Variants in PIBF1 observed in about 807,000 individuals in gnomAD.
PIBF1 encodes progesterone-induced-blocking factor 1.
Under a neutral mutation model 112.5 loss-of-function variants are expected in PIBF1, and 90 were observed. The ratio of observed to expected loss-of-function variants is 0.80; its 90% CI spans 0.67 to 0.95. The LOEUF (loss-of-function observed/expected upper bound fraction) is 0.95, where lower values mean the gene tolerates loss of function less well. PIBF1 is among the 40% of genes least tolerant of loss of function. The pLI, the probability that PIBF1 is intolerant of heterozygous loss-of-function variation, is 0.00. For synonymous variants in PIBF1, 301 were observed against 288.6 expected, an observed-to-expected ratio of 1.04 and a Z score of -0.44; for missense variants, 915 against 852.3, an observed-to-expected ratio of 1.07 and a Z score of -0.92.
chr13:72,820,145 G>A (rs1593971376), intron 5 of PIBF1, among the ~76,000 whole-genome samples: 1 of 152,200 alleles, frequency 6.6e-6, no homozygotes, highest in South Asian at 2.1e-4. Flanking sequence ...CACTTTACAT[G>A]TATTACTTGA....
chr13:73,001,778 A>C (rs4366603), intron 17 of PIBF1, among the ~76,000 whole-genome samples: 150,562 of 151,726 alleles, frequency 0.99, 74,717 homozygotes, highest in Middle Eastern at 1. Flanking sequence ...CATGTGCCAC[A>C]ACGCCCAGCT....
intron 13 of PIBF1, among the ~76,000 whole-genome samples, chr13:72,922,310 T>C (rs2041326744): frequency 6.6e-6 from 1 of 152,084 alleles, no homozygotes; most frequent in Non-Finnish European, 1.5e-5. Flanking sequence ...GACACAATTA[T>C]AGAAAGTTAC....
At chr13:72,906,632 A>G (rs994796085) in intron 11 of PIBF1, among the ~76,000 whole-genome samples, 4 of 152,162 alleles carry the variant, frequency 2.6e-5, no homozygotes, top group Non-Finnish European at 5.9e-5. Flanking sequence ...GAGATAGCCC[A>G]CATCAGTAGT....
In PIBF1 at chr13:72,976,026, A is replaced by G. The variant is rs566481443; in HGVS notation, c.2049+2351A>G. On this transcript the variant is annotated intron_variant, in intron 16 of 17. Coordinates refer to ENST00000326291, the MANE Select transcript of PIBF1 (RefSeq NM_006346.4). ...GAGCAGTTCCAACACTTGGAATCAC[A>G]TTACTCATGAGTCCAAATAAAAACC... Among the ~76,000 whole-genome samples, 7 of 152,284 alleles carry G rather than the reference A, an allele frequency of 4.6e-5. No homozygotes were observed. The South Asian group carries it at 6.2e-4, about 14-fold the overall frequency.
At chr13:72,858,023 TTGTGTGTGTGTGTG>T (rs374331152) in intron 10 of PIBF1, among the ~76,000 whole-genome samples, 8 of 141,224 alleles carry the variant, frequency 5.7e-5, no homozygotes, top group African/African-American at 2.1e-4. Flanking sequence ...CAAATGTACA[TTGTGTGTGTGTGTG>T]TGTGTGTGTG....
intron 5 of PIBF1, among the ~76,000 whole-genome samples, chr13:72,809,074 A>G (rs2035875934): frequency 6.8e-6 from 1 of 146,900 alleles, no homozygotes; most frequent in Non-Finnish European, 1.5e-5. Context: ...TACTTTATGG[A>G]TCTTTCTTAT....
At chr13:72,935,412 G>A (rs1319448127) in intron 14 of PIBF1, among the ~76,000 whole-genome samples, 3 of 151,926 alleles carry the variant, frequency 2.0e-5, no homozygotes, top group Non-Finnish European at 4.4e-5. Context: ...GTAACATTTC[G>A]TTGTGTGGAA....
intron 10 of PIBF1, among the ~76,000 whole-genome samples, chr13:72,855,642 C>CTT (rs1262099243): frequency 1.3e-5 from 2 of 151,878 alleles, no homozygotes; most frequent in Non-Finnish European, 2.9e-5. Flanking sequence ...GAGTGAGACT[C>CTT]TGTCTCAAAA....
intron 10 of PIBF1, among the ~76,000 whole-genome samples, chr13:72,867,224 T>C (rs1024471981): frequency 1.9e-4 from 29 of 152,096 alleles, no homozygotes; most frequent in Admixed American, 8.5e-4. Context: ...CTGCACAAGC[T>C]CTCTCTCTTT....
At chr13:72,889,677 G>A (rs1242828186) in intron 10 of PIBF1, among the ~76,000 whole-genome samples, 3 of 152,072 alleles carry the variant, frequency 2.0e-5, no homozygotes, top group Non-Finnish European at 4.4e-5. Flanking sequence ...CTCTTTATCT[G>A]TACACAGTTG....
intron 17 of PIBF1, among the ~76,000 whole-genome samples, chr13:73,002,962 G>A (rs1180419436): frequency 1.1e-4 from 12 of 106,330 alleles, no homozygotes; most frequent in South Asian, 1.0e-3. Flanking sequence ...CAGCCTGGAC[G>A]ACACAGCAAG....
intron 10 of PIBF1, among the ~76,000 whole-genome samples, chr13:72,884,018 A>T (rs1289690150): frequency 6.6e-6 from 1 of 152,238 alleles, no homozygotes; most frequent in Non-Finnish European, 1.5e-5. Context: ...AAATCCTTGA[A>T]GTAATGGATA....
rs137973332 is a variant in PIBF1 at position 72,932,006 on chromosome 13, A to T, written c.1833+739A>T. On this transcript the variant is annotated intron_variant, in intron 14 of 17. Coordinates refer to ENST00000326291, the MANE Select transcript of PIBF1 (RefSeq NM_006346.4). ...GCCCAGACTGGAGTGCAGTGGCATG[A>T]TCACAGTTCATTGCAACCTCTGCCT... Among the ~76,000 whole-genome samples, 63 of 137,950 alleles carry T rather than the reference A, an allele frequency of 4.6e-4. 1 individual carries two copies. The East Asian group carries it at 0.013, about 28-fold the overall frequency. 90.5% of individuals were successfully genotyped at this position (137,950 alleles called of 152,430 possible). A position where few individuals can be genotyped will look rare whatever the true frequency, so the allele number is the denominator to read the frequency against.
rs139649673 is a variant in PIBF1, at chr13:72,785,380, G to A, written c.252+1659G>A. Among the ~76,000 whole-genome samples the A allele has an allele frequency of 6.0e-4, 91 of 152,248 alleles. 2 individuals carry two copies. In the South Asian group the frequency reaches 0.013, roughly 22 times the overall value. On this transcript the variant is annotated intron_variant, in intron 2 of 17. Coordinates refer to ENST00000326291, the MANE Select transcript of PIBF1 (RefSeq NM_006346.4). ...TGGTTGTATTTCCAGCACTTAGAAC[G>A]GTGCCTGACACAAATTAAGTGCCCA...
At chr13:72,883,322 G>A (rs1041923711) in intron 10 of PIBF1, among the ~76,000 whole-genome samples, 7 of 152,050 alleles carry the variant, frequency 4.6e-5, no homozygotes, top group Admixed American at 2.6e-4. Context: ...GTAGAATGAT[G>A]GTAACCAGAG....
chr13:72,801,905 A>G (rs1021495815), intron 5 of PIBF1, among the ~76,000 whole-genome samples: 7 of 152,348 alleles, frequency 4.6e-5, no homozygotes, highest in East Asian at 1.9e-4. Context: ...TGGGTTGCCT[A>G]CCATTTTGGA....
chr13:72,987,543 A>T (rs2043329518), intron 16 of PIBF1, among the ~76,000 whole-genome samples: 1 of 152,058 alleles, frequency 6.6e-6, no homozygotes, highest in African/African-American at 2.4e-5. Flanking sequence ...TTATTGTATA[A>T]TGATAGCTTT....
intron 16 of PIBF1, among the ~76,000 whole-genome samples, chr13:72,980,509 T>C (rs2043130528): frequency 6.6e-6 from 1 of 152,096 alleles, no homozygotes. Context: ...AATAAGATGC[T>C]AAAGGGCCGG....
chr13:72,790,421 T>TCACA (rs57599910), intron 2 of PIBF1, among the ~76,000 whole-genome samples: 24,000 of 135,340 alleles, frequency 0.18, 2,342 homozygotes, highest in Middle Eastern at 0.21. Flanking sequence ...GAGGAGTCCA[T>TCACA]CACACACACA....
Sources: allele counts gnomAD v4.1 joint callset (sites outside exome capture counted in the v4.1 genomes callset), GRCh38; gene constraint gnomAD v4.1.1; transcripts MANE v1.5; gene names NCBI Gene and HGNC (gene_info 2026-07-23, HGNC 2026-07-21).